SLC35F1: variants seen among roughly 807,000 people sequenced by gnomAD.
SLC35F1 encodes the protein solute carrier family 35 member F1, also known as chromosome 6 open reading frame 169.
In SLC35F1, 14 loss-of-function variants were observed where a neutral mutation model predicts 48.7. That is an observed-to-expected ratio of 0.29 (90% confidence interval 0.19 to 0.45). The LOEUF (loss-of-function observed/expected upper bound fraction) is 0.45, where lower values mean the gene tolerates loss of function less well. Ranked by LOEUF, SLC35F1 falls within the 20% of genes least tolerant of loss-of-function variation. The probability of loss-of-function intolerance (pLI) is 1.00; values close to 1 mark genes in which losing one functional copy is unlikely to be tolerated. For missense variants in SLC35F1, 404 were observed against 500.0 expected (o/e 0.81, Z 1.83); for synonymous variants, 190 against 202.2 (o/e 0.94, Z 0.51).
chr6:118,070,993 T>TATATATATACACATA (rs1772701767), intron 1 of SLC35F1, among the ~76,000 whole-genome samples: 3 of 152 alleles, frequency 0.02, no homozygotes, highest in African/African-American at 0.028. Flanking sequence ...ATATTCTACG[T>TATATATATACACATA]GTGTGTATAT....
chr6:118,068,284 T>C (rs1772646692), intron 1 of SLC35F1, among the ~76,000 whole-genome samples: 1 of 152,156 alleles, frequency 6.6e-6, no homozygotes, highest in African/African-American at 2.4e-5. Context: ...TATCCCTTAA[T>C]TCAGTCAAGC....
chr6:118,010,081 A>G (rs1352385095), intron 1 of SLC35F1, among the ~76,000 whole-genome samples: 2 of 152,198 alleles, frequency 1.3e-5, no homozygotes, highest in Admixed American at 1.3e-4. Context: ...ATACACTTCT[A>G]TAGGTGGGAG....
Position 117,999,461 on chromosome 6 carries a change from A to C in SLC35F1, c.173+91562A>C, listed in dbSNP as rs1452477203. The C allele has an allele frequency of 1.9e-6, 3 of 1,564,860 alleles. No individual in the cohort carries two copies. The African/African-American group carries it at 4.0e-5, about 21-fold the overall frequency. Reference sequence around the variant, plus strand: ...GGCTTCAGAGTAGATATCTCTGCCAACATGAGGACAGAAGGACTGGTGCGA... The same window carrying C: ...GGCTTCAGAGTAGATATCTCTGCCACCATGAGGACAGAAGGACTGGTGCGA... On this transcript the variant is annotated intron_variant, in intron 1 of 7. Coordinates refer to ENST00000360388, the MANE Select transcript of SLC35F1 (RefSeq NM_001029858.4).
At chr6:118,235,410 TA>T in intron 2 of SLC35F1, 98 bp from the exon 3 acceptor site, 2 of 1,153,080 alleles carry the variant, frequency 1.7e-6, no homozygotes, top group Non-Finnish European at 2.4e-6. Context: ...AACTTTAGGT[TA>T]AAAATATATA....
intron 1 of SLC35F1, among the ~76,000 whole-genome samples, chr6:118,130,754 C>G (rs1773698127): frequency 6.6e-6 from 1 of 151,920 alleles, no homozygotes; most frequent in Non-Finnish European, 1.5e-5. Context: ...AGCACTATTA[C>G]TATTTCTAGT....
chr6:118,223,429 T>C (rs1775177083), intron 2 of SLC35F1, among the ~76,000 whole-genome samples: 1 of 152,236 alleles, frequency 6.6e-6, no homozygotes. Context: ...TGCCTCATTT[T>C]ATAAATAGTA....
At chr6:118,255,522 C>G (rs999593221) in intron 3 of SLC35F1, among the ~76,000 whole-genome samples, 1 of 152,192 alleles carries the variant, frequency 6.6e-6, no homozygotes, top group Non-Finnish European at 1.5e-5. Context: ...GTCTAATTAT[C>G]TGTATGTTCC....
At chr6:118,088,890 C>T (rs1356352324) in intron 1 of SLC35F1, among the ~76,000 whole-genome samples, 1 of 152,210 alleles carries the variant, frequency 6.6e-6, no homozygotes, top group Non-Finnish European at 1.5e-5. Context: ...GGACTGGATT[C>T]ACCCACAGAA....
At chr6:118,081,786 T>A (rs1334954096) in intron 1 of SLC35F1, among the ~76,000 whole-genome samples, 1 of 152,180 alleles carries the variant, frequency 6.6e-6, no homozygotes, top group African/African-American at 2.4e-5. Flanking sequence ...CTTCTAAATT[T>A]CATGAATTCC....
At chr6:118,130,831 A>G (rs1773699318) in intron 1 of SLC35F1, among the ~76,000 whole-genome samples, 1 of 152,338 alleles carries the variant, frequency 6.6e-6, no homozygotes, top group African/African-American at 2.4e-5. Context: ...CTCAGAGGCC[A>G]TAAATCATTT....
chr6:118,309,195 GT>G (rs1395237719), intron 7 of SLC35F1, among the ~76,000 whole-genome samples: 91 of 151,480 alleles, frequency 6.0e-4, no homozygotes, highest in African/African-American at 2.2e-3. Flanking sequence ...GTGTGTGTGT[GT>G]GTGTGTGCGT....
intron 1 of SLC35F1, among the ~76,000 whole-genome samples, chr6:118,114,010 T>C (rs1372337458): frequency 6.6e-6 from 1 of 152,224 alleles, no homozygotes; most frequent in Non-Finnish European, 1.5e-5. Context: ...ACTGCAATAA[T>C]GGAGTAAAAA....
intron 1 of SLC35F1, among the ~76,000 whole-genome samples, chr6:117,966,128 A>T (rs60060610): frequency 1.7e-4 from 3 of 17,216 alleles, no homozygotes; most frequent in South Asian, 2.1e-3. Context: ...AAAGCAGGCC[A>T]CCGCCCCCCC....
chr6:117,932,789 G>T (rs1261922300), intron 1 of SLC35F1, among the ~76,000 whole-genome samples: 1 of 152,088 alleles, frequency 6.6e-6, no homozygotes, highest in Non-Finnish European at 1.5e-5. Flanking sequence ...ACTGGCAAAT[G>T]CAATCTTTAG....
chr6:118,212,008 G>T (rs975020414), intron 2 of SLC35F1, among the ~76,000 whole-genome samples: 1 of 152,082 alleles, frequency 6.6e-6, no homozygotes, highest in African/African-American at 2.4e-5. Flanking sequence ...GTCCCCTCTA[G>T]TTTAGCTACA....
At chr6:117,917,729 G>A (rs745378371) in intron 1 of SLC35F1, among the ~76,000 whole-genome samples, 18 of 57,670 alleles carry the variant, frequency 3.1e-4, no homozygotes, top group Non-Finnish European at 5.1e-4. Flanking sequence ...AAAGAAAGCT[G>A]GAGTGTGGAA....
intron 1 of SLC35F1, among the ~76,000 whole-genome samples, chr6:118,027,706 G>A (rs1005446839): frequency 2.6e-5 from 4 of 151,996 alleles, no homozygotes; most frequent in African/African-American, 9.7e-5. Context: ...CTAGATACAA[G>A]CACCTTGTCA....
At chr6:118,111,202 A>G (rs914090113) in intron 1 of SLC35F1, among the ~76,000 whole-genome samples, 1 of 152,152 alleles carries the variant, frequency 6.6e-6, no homozygotes, top group African/African-American at 2.4e-5. Flanking sequence ...AGTATTTTTC[A>G]AAATAAATGA....
chr6:118,163,704 A>G (rs931903868), intron 2 of SLC35F1, among the ~76,000 whole-genome samples: 2 of 152,246 alleles, frequency 1.3e-5, no homozygotes, highest in Admixed American at 1.3e-4. Flanking sequence ...AAGGGTGGTT[A>G]CAAGATGATA....
Sources: gnomAD v4.1 joint callset for allele counts (sites outside exome capture counted in the v4.1 genomes callset) on GRCh38, gnomAD v4.1.1 for gene constraint, MANE v1.5 for transcripts, NCBI Gene and HGNC (gene_info 2026-07-23, HGNC 2026-07-21) for gene names.